The following SMG5 variants were observed in gnomAD, a reference collection of about 807,000 sequenced individuals.
The protein encoded by SMG5 is SMG5 nonsense mediated mRNA decay factor.
A neutral mutation model predicts 122.9 loss-of-function variants in SMG5; 53 were observed. The ratio of observed to expected loss-of-function variants is 0.43; its 90% CI spans 0.35 to 0.54. SMG5 has a LOEUF of 0.54. Among genes scored for constraint, SMG5 ranks in the 20% least tolerant of loss-of-function variants. The pLI is 0.01. For missense variants in SMG5, 1,153 were observed against 1,285.6 expected (o/e 0.90, Z 1.58); for synonymous variants, 477 against 490.2 (o/e 0.97, Z 0.35).
chr1:156,255,333 G>T (rs1661534028), intron 16 of SMG5, among the ~76,000 whole-genome samples: 1 of 151,764 alleles, frequency 6.6e-6, no homozygotes, highest in Non-Finnish European at 1.5e-5. Flanking sequence ...GAGGTCAGGA[G>T]TTCGAGACCA....
At chr1:156,270,819 G>C (rs1662377212) in intron 7 of SMG5, among the ~76,000 whole-genome samples, 2 of 152,100 alleles carry the variant, frequency 1.3e-5, no homozygotes, top group African/African-American at 4.8e-5. Flanking sequence ...ACCAGCCTGA[G>C]CAACATGGAG....
intron 1 of SMG5, among the ~76,000 whole-genome samples, chr1:156,279,258 G>A (rs1374450304): frequency 1.4e-5 from 2 of 143,704 alleles, no homozygotes; most frequent in Admixed American, 1.4e-4. Flanking sequence ...ATTTGGCAAT[G>A]GTAGAAACAT....
chr1:156,260,486 C>G lies in SMG5; in HGVS notation c.2248G>C (p.Asp750His). 6.3e-7 allele frequency: 1 copy of G among 1,594,076 alleles called. No individual in the cohort carries two copies. The highest frequency in any genetic ancestry group is 8.5e-7 in the Non-Finnish European group (1 of 1,172,838). Residue 750 changes from aspartate to histidine, a missense_variant, in exon 15 of 22, where the codon GAC (aspartate) becomes CAC (histidine). Physicochemically the swap from Asp to His is moderately conservative, Grantham distance 81 (BLOSUM62 -1). Around this residue, in one of 5 missense-constraint regions of SMG5, gnomAD observed 631 missense variants for 650.6 expected, o/e 0.97. Transcript: ENST00000361813. ...GTGCTGAGCAGGGGCCGATCCGTGT[C>G]AAAGTTAAAGCGTCTGTGGGCAGCT... is the stretch of plus-strand genomic sequence containing the variant. ...LRAAHRRFNF[D>H]TDRPLLSTLE...
At chr1:156,255,247 T>C (rs903732653) in intron 16 of SMG5, among the ~76,000 whole-genome samples, 2 of 151,284 alleles carry the variant, frequency 1.3e-5, no homozygotes, top group African/African-American at 2.4e-5. Context: ...CTACTAAAAA[T>C]ACAAAAACTG....
upstream of SMG5, chr1:156,283,023 G>C (rs1164809999): frequency 2.1e-6 from 1 of 477,014 alleles, no homozygotes; most frequent in African/African-American, 2.0e-5. Context: ...AGAACGGACA[G>C]TGTACCCACT....
In SMG5 at chr1:156,260,563, G is replaced by A. The variant is rs1572578419; in HGVS notation, c.2171C>T (p.Ser724Phe). The A allele has an allele frequency of 6.4e-7, 1 of 1,554,374 alleles. No individual in the cohort carries two copies. Among genetic ancestry groups the A allele is most frequent in the Non-Finnish European group, 8.6e-7 (1 of 1,156,778 alleles). Residue 724 changes from serine (S) to phenylalanine (F), a missense_variant, in exon 15 of 22, where the codon TCT becomes TTT. Around this residue, in one of 5 missense-constraint regions of SMG5, gnomAD observed 631 missense variants for 650.6 expected, o/e 0.97. Transcript: ENST00000361813. The part of the protein sequence containing the change: ...LEGCELPDLP[S>F]SLLLPEDMAL... ...CATGTCCTCTGGGAGCAGAAGGCTA[G>A]AGGGGAGGTCAGGCAGTTCACAACC...
rs773737710 is a variant in SMG5, at chr1:156,263,430, G to A, written c.1996C>T (p.Arg666Trp). The A allele has an allele frequency of 2.8e-5, 45 of 1,614,072 alleles. No homozygotes were observed. Among genetic ancestry groups the A allele is most frequent in the Admixed American group, 1.8e-4 (11 of 60,006 alleles). The change falls in exon 13 of 22, where the codon CGG becomes TGG. Residue 666 changes from arginine (R) to tryptophan (W), a missense_variant. Physicochemically the swap from Arg to Trp is moderately radical, Grantham distance 101. This residue lies in a region of SMG5 where 631 missense variants were observed against 650.6 expected (regional missense o/e 0.97). Transcript: ENST00000361813. ...PAVKVFLDWL[R>W]TNPDLIIVCA... is the part of the protein sequence containing the mutation. ...ACGATGATGAGGTCGGGGTTGGTCC[G>A]AAGCCAGTCCAGGAAGACTTTCACA...
intron 1 of SMG5, 76 bp downstream of exon 1, chr1:156,282,531 C>G (rs1663002545): frequency 6.7e-7 from 1 of 1,499,600 alleles, no homozygotes; most frequent in Non-Finnish European, 9.0e-7. Flanking sequence ...CCGGGCCCCG[C>G]CCGCCCGGGA....
At chr1:156,276,762 G>C (rs1270249213) in intron 4 of SMG5, among the ~76,000 whole-genome samples, 4 of 152,144 alleles carry the variant, frequency 2.6e-5, no homozygotes, top group Admixed American at 6.5e-5. Flanking sequence ...AATCTCTAAA[G>C]TCAAAAGAAA....
intron 15 of SMG5, among the ~76,000 whole-genome samples, chr1:156,259,601 C>T (rs1661728574): frequency 6.6e-6 from 1 of 152,142 alleles, no homozygotes; most frequent in Non-Finnish European, 1.5e-5. Flanking sequence ...GTGATTACAG[C>T]TCACTGCAGC....
At chr1:156,277,289 T>A (rs777569158) in intron 3 of SMG5, 48 bp from the exon 4 acceptor site, 1 of 1,582,918 alleles carries the variant, frequency 6.3e-7, no homozygotes, top group Non-Finnish European at 8.6e-7. Flanking sequence ...AAACTCAGAG[T>A]CGCACTCACC....
At chr1:156,251,042 A>G (rs377044231) in intron 20 of SMG5, 46 bp from the exon 21 acceptor site, 31 of 1,598,490 alleles carry the variant, frequency 1.9e-5, no homozygotes, top group Non-Finnish European at 2.6e-5. Context: ...ACCCAGCATT[A>G]GCACAGCCCA....
At chr1:156,257,293 T>C (rs1007105637) in intron 16 of SMG5, among the ~76,000 whole-genome samples, 1 of 152,158 alleles carries the variant, frequency 6.6e-6, no homozygotes, top group Non-Finnish European at 1.5e-5. Context: ...CAAGGGTTAA[T>C]TGAGATGTCA....
chr1:156,258,038 T>C (rs1206297351), intron 16 of SMG5, among the ~76,000 whole-genome samples: 2 of 152,228 alleles, frequency 1.3e-5, no homozygotes, highest in African/African-American at 2.4e-5. Flanking sequence ...CCCCAGTGCC[T>C]AGAATACTGT....
At chr1:156,285,149 G>A (rs2101586454), upstream of SMG5, 39 of 1,487,288 alleles carry the variant, frequency 2.6e-5, 1 homozygote, top group South Asian at 4.3e-5. Context: ...TAGAAGACAG[G>A]GGTTTCTGAC....
chr1:156,250,526 G>C lies in SMG5; in HGVS notation c.*61C>G, dbSNP rs1243987918. On this transcript the variant is annotated 3_prime_UTR_variant, in exon 22 of 22. Coordinates refer to ENST00000361813, the MANE Select transcript of SMG5 (RefSeq NM_015327.3). Reference sequence around the variant, plus strand: ...GGGGTGACTACAGGTGCTGGTCCTGGCTGCCAGGGAGGGCAGGAGAGATCT... The same window carrying C: ...GGGGTGACTACAGGTGCTGGTCCTGCCTGCCAGGGAGGGCAGGAGAGATCT... The C allele has an allele frequency of 8.9e-6, 13 of 1,453,340 alleles. No homozygotes were observed. The highest frequency in any genetic ancestry group is 1.3e-5 in the Non-Finnish European group (13 of 1,034,350). 90.0% of individuals were successfully genotyped at this position (1,453,340 alleles called of 1,614,324 possible). A position where few individuals can be genotyped will look rare whatever the true frequency, so the allele number is the denominator to read the frequency against.
rs1168115860 is a variant in SMG5 at position 156,278,954 on chromosome 1, T to C, written c.155A>G (p.Asn52Ser). Residue 52 changes from asparagine (N) to serine (S), a missense_variant, in exon 2 of 22, where the codon AAC becomes AGC. Asn to Ser is a conservative substitution (Grantham distance 46). Coordinates refer to ENST00000361813, the MANE Select transcript of SMG5 (RefSeq NM_015327.3). ...AGCTTACTTGTTCCTCAGGCTAATG[T>C]TTTCTGGTTTGAATACTTCTTGATA... The part of the protein sequence containing the change: ...TAYQEVFKPE[N>S]ISLRNKLREL... 2.5e-6 allele frequency: 4 copies of C among 1,614,124 alleles called. No individual in the cohort carries two copies. The highest frequency in any genetic ancestry group is 3.4e-6 in the Non-Finnish European group (4 of 1,179,994).
chr1:156,275,699 GT>G (rs1200763408), intron 4 of SMG5, among the ~76,000 whole-genome samples: 1 of 151,268 alleles, frequency 6.6e-6, no homozygotes, highest in Non-Finnish European at 1.5e-5. Flanking sequence ...AACTAAAGTG[GT>G]TTGGGGCACT....
At chr1:156,282,092 G>A (rs1389392272) in intron 1 of SMG5, among the ~76,000 whole-genome samples, 1 of 152,120 alleles carries the variant, frequency 6.6e-6, no homozygotes, top group South Asian at 2.1e-4. Context: ...AGAGCCGTAT[G>A]GGACTTTAGA....
Sources: allele counts gnomAD v4.1 joint callset (sites outside exome capture counted in the v4.1 genomes callset), GRCh38; gene constraint gnomAD v4.1.1; regional missense constraint gnomAD v4.1.1; transcripts MANE v1.5; gene names NCBI Gene and HGNC (gene_info 2026-07-23, HGNC 2026-07-21).